Variants in HECW2 observed in about 807,000 individuals in gnomAD.
HECW2 encodes HECT, C2 and WW domain containing E3 ubiquitin protein ligase 2, also known as E3 ubiquitin-protein ligase HECW2.
Under a neutral mutation model 175.2 loss-of-function variants are expected in HECW2, and 61 were observed. The observed-to-expected ratio is 0.35, with a 90% CI of 0.28 to 0.43. The LOEUF (loss-of-function observed/expected upper bound fraction) is 0.43, where lower values mean the gene tolerates loss of function less well. Ranked by LOEUF, HECW2 falls within the 20% of genes least tolerant of loss-of-function variation. HECW2 has a pLI of 1.00. For synonymous variants in HECW2, 671 were observed against 731.0 expected (o/e 0.92, Z 1.32); for missense variants, 1,524 against 2,000.5 (o/e 0.76, Z 4.54).
chr2:196,212,935 A>G (rs1000111794), intron 28 of HECW2, among the ~76,000 whole-genome samples: 2 of 152,254 alleles, frequency 1.3e-5, no homozygotes, highest in Admixed American at 6.5e-5. Context: ...ACTGGGGCCA[A>G]CTAGCTTGAG....
chr2:196,319,536 GAA>G lies in HECW2; in HGVS notation c.1352_1353del (p.Phe451SerfsTer3). Reference sequence around the variant, plus strand: ...ATGGCATTGAGTCTTGTGTCAGTGGGAAAACTACTCCTCAGTTTCGGAGAGGC... The same window carrying G: ...ATGGCATTGAGTCTTGTGTCAGTGGGAACTACTCCTCAGTTTCGGAGAGGC... The part of the protein sequence containing the change: ...MGASPKLRSS[F>X]PTDTRLNAML... On this transcript the variant is annotated frameshift_variant, in exon 9 of 29. Transcript: ENST00000644978. LOFTEE classifies it high-confidence loss of function. 6.2e-7 allele frequency: 1 copy of G among 1,614,198 alleles called. No individual in the cohort carries two copies. The highest frequency in any genetic ancestry group is 8.5e-7 in the Non-Finnish European group (1 of 1,180,036).
chr2:196,557,098 T>C (rs1273393644), intron 1 of HECW2, among the ~76,000 whole-genome samples: 3 of 152,168 alleles, frequency 2.0e-5, no homozygotes, highest in Non-Finnish European at 2.9e-5. Flanking sequence ...ATTGAGACTT[T>C]TTAAAAATTA....
intron 2 of HECW2, among the ~76,000 whole-genome samples, chr2:196,377,511 TC>T (rs1280520154): frequency 6.6e-6 from 1 of 152,120 alleles, no homozygotes; most frequent in Non-Finnish European, 1.5e-5. Context: ...GCAGGGGAAC[TC>T]CCCTTTATAA....
chr2:196,415,866 AG>A (rs1188258930), intron 2 of HECW2, among the ~76,000 whole-genome samples: 1 of 152,246 alleles, frequency 6.6e-6, no homozygotes, highest in Non-Finnish European at 1.5e-5. Flanking sequence ...GGCAAAAAAC[AG>A]TATCAAAGGG....
intron 1 of HECW2, among the ~76,000 whole-genome samples, chr2:196,460,485 C>T (rs919329954): frequency 2.5e-5 from 3 of 121,164 alleles, no homozygotes; most frequent in Non-Finnish European, 4.7e-5. Flanking sequence ...ACCGATTAAA[C>T]CTTTTTTTTT....
intron 1 of HECW2, among the ~76,000 whole-genome samples, chr2:196,564,954 A>ATTT (rs11441092): frequency 2.0e-3 from 285 of 145,228 alleles, no homozygotes; most frequent in African/African-American, 5.7e-3. Flanking sequence ...CTATGCTTTG[A>ATTT]TTTTTTTTTT....
intron 1 of HECW2, among the ~76,000 whole-genome samples, chr2:196,566,235 G>A (rs774993121): frequency 4.0e-5 from 6 of 149,652 alleles, no homozygotes; most frequent in Non-Finnish European, 5.9e-5. Context: ...CTAAGAAACA[G>A]TGTAAATGGT....
intron 1 of HECW2, among the ~76,000 whole-genome samples, chr2:196,524,889 A>T (rs1688573045): frequency 1.5e-5 from 2 of 129,624 alleles, no homozygotes; most frequent in East Asian, 4.2e-4. Context: ...GGAGAGCTTT[A>T]CTTCCAAGTA....
intron 21 of HECW2, chr2:196,239,298 G>A (rs775031095): frequency 5.9e-5 from 9 of 152,262 alleles, no homozygotes; most frequent in Non-Finnish European, 8.8e-5. Flanking sequence ...TCAGTCATTA[G>A]CTGGAATGGG....
Position 196,322,687 on chromosome 2 carries a change from T to G in HECW2, c.742-67A>C, listed in dbSNP as rs571838947. 200 of 1,402,018 alleles carry G rather than the reference T, an allele frequency of 1.4e-4. No individual in the cohort carries two copies. The African/African-American group carries it at 2.7e-3, about 19-fold the overall frequency. 86.8% of individuals were successfully genotyped at this position (1,402,018 alleles called of 1,614,324 possible). A position where few individuals can be genotyped will look rare whatever the true frequency, so the allele number is the denominator to read the frequency against. On this transcript the variant is annotated intron_variant, in intron 6 of 28. Transcript: ENST00000644978. ...CAAATATGATACTATATCATTTTAT[T>G]TGTATAGGAAATGGTATCTCTTAAA...
intron 16 of HECW2, among the ~76,000 whole-genome samples, chr2:196,271,981 A>T (rs1575333899): frequency 6.6e-6 from 1 of 152,312 alleles, no homozygotes; most frequent in African/African-American, 2.4e-5. Flanking sequence ...TGGCAAGATG[A>T]GGTCACCAAC....
At chr2:196,585,878 C>T (rs1690957338) in intron 1 of HECW2, among the ~76,000 whole-genome samples, 1 of 152,070 alleles carries the variant, frequency 6.6e-6, no homozygotes, top group South Asian at 2.1e-4. Context: ...AAGCCTAAGG[C>T]AAAAACTTAA....
chr2:196,240,397 C>T (rs1038960885), intron 21 of HECW2, 52 bp downstream of exon 21: 49 of 1,302,008 alleles, frequency 3.8e-5, no homozygotes, highest in South Asian at 1.6e-4. Context: ...GAGAAACATC[C>T]GCCTTGTGGC....
intron 1 of HECW2, among the ~76,000 whole-genome samples, chr2:196,441,684 T>A (rs943276241): frequency 1.9e-4 from 29 of 152,298 alleles, no homozygotes; most frequent in African/African-American, 6.0e-4. Flanking sequence ...AGTCATTCAG[T>A]ATAAATGAAC....
chr2:196,352,699 A>G (rs1408895172), intron 2 of HECW2, among the ~76,000 whole-genome samples: 1 of 152,128 alleles, frequency 6.6e-6, no homozygotes, highest in Non-Finnish European at 1.5e-5. Flanking sequence ...ACACTTCTAG[A>G]TGTACTAGGC....
intron 2 of HECW2, among the ~76,000 whole-genome samples, chr2:196,347,263 T>C (rs980040998): frequency 6.6e-6 from 1 of 151,938 alleles, no homozygotes; most frequent in Non-Finnish European, 1.5e-5. Context: ...GGTTTCACCA[T>C]GTTGGCCAGG....
chr2:196,226,564 T>A (rs1687859023), intron 22 of HECW2, among the ~76,000 whole-genome samples: 1 of 152,194 alleles, frequency 6.6e-6, no homozygotes, highest in African/African-American at 2.4e-5. Context: ...CCCACATTCA[T>A]GAATCCCCTG....
chr2:196,308,990 G>C (rs1436955639), intron 10 of HECW2, among the ~76,000 whole-genome samples: 1 of 152,226 alleles, frequency 6.6e-6, no homozygotes, highest in Non-Finnish European at 1.5e-5. Flanking sequence ...TTTTGTGTAA[G>C]TTATTTTTTG....
intron 19 of HECW2, among the ~76,000 whole-genome samples, chr2:196,249,806 C>T (rs1431152329): frequency 6.6e-6 from 1 of 152,194 alleles, no homozygotes; most frequent in Non-Finnish European, 1.5e-5. Flanking sequence ...ACAAAGCCCA[C>T]TGAAACAGAG....
Sources: gnomAD v4.1 joint callset for allele counts (sites outside exome capture counted in the v4.1 genomes callset) on GRCh38, gnomAD v4.1.1 for gene constraint, MANE v1.5 for transcripts, NCBI Gene and HGNC (gene_info 2026-07-23, HGNC 2026-07-21) for gene names.